The following ZNF804B variants were observed in gnomAD, a reference collection of about 807,000 sequenced individuals.
The protein encoded by ZNF804B is zinc finger protein 804B, also known as zinc finger 804B.
ZNF804B carries 80 observed loss-of-function variants against 101.4 expected under a neutral mutation model. The observed-to-expected ratio is 0.79, with a 90% CI of 0.66 to 0.95. ZNF804B has a LOEUF of 0.95. Ranked by LOEUF, ZNF804B falls within the 40% of genes least tolerant of loss-of-function variation. The pLI is 0.00. For synonymous variants in ZNF804B, 622 were observed against 558.8 expected (o/e 1.11, Z -1.59); for missense variants, 1,673 against 1,561.9 (o/e 1.07, Z -1.20).
At chr7:89,043,865 C>T (rs1789057272) in intron 1 of ZNF804B, among the ~76,000 whole-genome samples, 1 of 152,026 alleles carries the variant, frequency 6.6e-6, no homozygotes, top group African/African-American at 2.4e-5. Context: ...TTAATAAGAC[C>T]AGCTTCAGTG....
intron 1 of ZNF804B, among the ~76,000 whole-genome samples, chr7:88,857,882 C>T (rs1791595187): frequency 8.4e-6 from 1 of 119,668 alleles, no homozygotes; most frequent in Non-Finnish European, 1.6e-5. Context: ...AGGGCAGTGG[C>T]ACACAATCTC....
chr7:88,968,759 C>T (rs1793492574), intron 1 of ZNF804B, among the ~76,000 whole-genome samples: 1 of 151,574 alleles, frequency 6.6e-6, no homozygotes, highest in Non-Finnish European at 1.5e-5. Flanking sequence ...GAGAACTAAA[C>T]TGCCTCCTTA....
At chr7:89,175,515 C>A (rs1791304324) in intron 1 of ZNF804B, among the ~76,000 whole-genome samples, 1 of 151,832 alleles carries the variant, frequency 6.6e-6, no homozygotes. Context: ...GTGATTCTTC[C>A]AGTTTTGTTC....
rs1179468528 is a variant in ZNF804B at position 89,277,484 on chromosome 7, CCT to C, written c.250-49858_250-49857del. ...CCAATGCTATCCCTCCCCCCTCCCC[CCT>C]CCCCCCTCCCCCCTACCCCCACCCC... is the stretch of plus-strand genomic sequence containing the variant. On this transcript the variant is annotated intron_variant, in intron 2 of 3. Transcript: ENST00000333190. Among the ~76,000 whole-genome samples, 170 of 17,752 alleles carry C rather than the reference CCT, an allele frequency of 9.6e-3. 4 individuals are homozygous for C. Among genetic ancestry groups the C allele is most frequent in the African/African-American group, 0.031 (94 of 3,048 alleles). 11.6% of individuals were successfully genotyped at this position (17,752 alleles called of 152,430 possible). A position where few individuals can be genotyped will look rare whatever the true frequency, so the allele number is the denominator to read the frequency against.
At chr7:89,033,491 T>G (rs1016672666) in intron 1 of ZNF804B, among the ~76,000 whole-genome samples, 1 of 152,162 alleles carries the variant, frequency 6.6e-6, no homozygotes, top group Non-Finnish European at 1.5e-5. Context: ...GTGGGAGTGC[T>G]GGATCATAGA....
intron 1 of ZNF804B, among the ~76,000 whole-genome samples, chr7:89,106,817 G>A (rs924678222): frequency 2.0e-5 from 3 of 152,128 alleles, no homozygotes; most frequent in East Asian, 3.9e-4. Flanking sequence ...AAGAACTGGA[G>A]TGGCAGAACA....
intron 1 of ZNF804B, among the ~76,000 whole-genome samples, chr7:89,182,617 A>G (rs1788314172): frequency 1.3e-5 from 2 of 152,172 alleles, no homozygotes; most frequent in South Asian, 4.1e-4. Flanking sequence ...CCATTACTCC[A>G]GAGAACTCAA....
At chr7:88,830,735 C>T (rs1207469014) in intron 1 of ZNF804B, among the ~76,000 whole-genome samples, 2 of 151,700 alleles carry the variant, frequency 1.3e-5, no homozygotes, top group African/African-American at 4.8e-5. Flanking sequence ...TTATGTATGC[C>T]CCTTTTGTGT....
intron 1 of ZNF804B, among the ~76,000 whole-genome samples, chr7:89,112,152 T>C (rs1040818702): frequency 6.6e-6 from 1 of 150,492 alleles, no homozygotes; most frequent in African/African-American, 2.5e-5. Flanking sequence ...TTATGTCATA[T>C]ACATTTTACA....
chr7:89,196,772 T>A (rs1197851679), intron 1 of ZNF804B, among the ~76,000 whole-genome samples: 2 of 151,040 alleles, frequency 1.3e-5, no homozygotes, highest in East Asian at 1.9e-4. Context: ...TTAAACAAAA[T>A]AACAGGAAAA....
At chr7:88,856,578 C>T (rs1460049045) in intron 1 of ZNF804B, among the ~76,000 whole-genome samples, 1 of 152,074 alleles carries the variant, frequency 6.6e-6, no homozygotes, top group Non-Finnish European at 1.5e-5. Context: ...TTCCTCTTTT[C>T]CTAATTGAAT....
At chr7:88,778,109 A>G (rs1193861617) in intron 1 of ZNF804B, among the ~76,000 whole-genome samples, 1 of 152,146 alleles carries the variant, frequency 6.6e-6, no homozygotes, top group Non-Finnish European at 1.5e-5. Context: ...TAATCAAGTT[A>G]TAGGTAAAGC....
rs760026011 is a variant in ZNF804B, at chr7:89,319,350, C to T, written c.250-7994C>T. On this transcript the variant is annotated intron_variant, in intron 2 of 3. Transcript: ENST00000333190. ...TTTACCATAAATACTGTTATATTCA[C>T]GCCATTCACTATCAATAATAAATGT... is the stretch of plus-strand genomic sequence containing the variant. Among the ~76,000 whole-genome samples, 11 of 152,128 alleles carry T rather than the reference C, an allele frequency of 7.2e-5. 1 individual carries two copies. Among genetic ancestry groups the T allele is most frequent in the Admixed American group, 1.3e-4 (2 of 15,266 alleles).
chr7:89,031,087 T>C (rs1788825520), intron 1 of ZNF804B, among the ~76,000 whole-genome samples: 1 of 151,984 alleles, frequency 6.6e-6, no homozygotes. Flanking sequence ...AGTTGATGCG[T>C]GCAGCAAACC....
At chr7:89,180,245 G>C (rs934290740) in intron 1 of ZNF804B, among the ~76,000 whole-genome samples, 9 of 152,166 alleles carry the variant, frequency 5.9e-5, no homozygotes, top group Non-Finnish European at 1.0e-4. Flanking sequence ...AGGGCAACAG[G>C]TTCCTTTCTG....
chr7:88,887,916 GTA>G (rs139246240), intron 1 of ZNF804B, among the ~76,000 whole-genome samples: 285 of 151,944 alleles, frequency 1.9e-3, no homozygotes, highest in African/African-American at 6.6e-3. Context: ...ACACAGGAAT[GTA>G]TATATATATC....
intron 1 of ZNF804B, among the ~76,000 whole-genome samples, chr7:89,065,380 C>G (rs1489778707): frequency 6.6e-6 from 1 of 152,150 alleles, no homozygotes. Flanking sequence ...AAGTAATTCT[C>G]ACCCTATCTC....
chr7:88,840,029 C>T (rs1049524232), intron 1 of ZNF804B, among the ~76,000 whole-genome samples: 1 of 152,070 alleles, frequency 6.6e-6, no homozygotes, highest in African/African-American at 2.4e-5. Flanking sequence ...CTTGTGTTAG[C>T]CCCTTCATGG....
chr7:88,845,533 A>G (rs951621316), intron 1 of ZNF804B, among the ~76,000 whole-genome samples: 2 of 150,916 alleles, frequency 1.3e-5, no homozygotes, highest in African/African-American at 4.9e-5. Context: ...TGTTTCTGTT[A>G]TTTTTCAAAT....
Sources: gnomAD v4.1 joint callset for allele counts (sites outside exome capture counted in the v4.1 genomes callset) on GRCh38, gnomAD v4.1.1 for gene constraint, MANE v1.5 for transcripts, NCBI Gene and HGNC (gene_info 2026-07-23, HGNC 2026-07-21) for gene names.